The following MAML2 variants were observed in gnomAD, a reference collection of about 807,000 sequenced individuals.
The protein encoded by MAML2 is mastermind-like protein 2.
Under a neutral mutation model 96.1 loss-of-function variants are expected in MAML2, and 22 were observed. The ratio of observed to expected loss-of-function variants is 0.23; its 90% CI spans 0.16 to 0.33. MAML2 has a LOEUF of 0.33. MAML2 is among the 10% of genes least tolerant of loss of function. The pLI is 1.00. For synonymous variants in MAML2, 561 were observed against 521.3 expected, an observed-to-expected ratio of 1.08 and a Z score of -1.04; for missense variants, 1,367 against 1,392.4, an observed-to-expected ratio of 0.98 and a Z score of 0.29.
chr11:96,035,939 T>C (rs1219783831), intron 2 of MAML2, among the ~76,000 whole-genome samples: 3 of 152,210 alleles, frequency 2.0e-5, no homozygotes, highest in Admixed American at 6.5e-5. Flanking sequence ...GGTTAGGATA[T>C]AGACTCCTCA....
intron 2 of MAML2, among the ~76,000 whole-genome samples, chr11:96,051,053 T>TATCATG (rs1555001961): frequency 6.6e-6 from 1 of 151,642 alleles, no homozygotes; most frequent in Non-Finnish European, 1.5e-5. Context: ...GTTGGTTTAG[T>TATCATG]GTCATTTCCT....
intron 1 of MAML2, among the ~76,000 whole-genome samples, chr11:96,177,775 G>A (rs1861409840): frequency 6.6e-6 from 1 of 152,174 alleles, no homozygotes; most frequent in Non-Finnish European, 1.5e-5. Context: ...AAGGCATGGG[G>A]TGTGGGAGAG....
rs200176859 is a variant in MAML2, at chr11:96,092,774, T to C, written c.1257A>G (p.Gly419=). 21 of 1,613,280 alleles carry C rather than the reference T, an allele frequency of 1.3e-5. No homozygotes were observed. In the Admixed American group the frequency reaches 1.8e-4, roughly 14 times the overall value. The part of the protein sequence containing the change: ...QSQAQPQTGS[G]ASRALPSWQE... ...GCCAGCTTGGCAAGGCCCGGCTTGC[T>C]CCGGAGCCTGTCTGAGGCTGAGCCT... The change falls in exon 2 of 5, where the codon GGA becomes GGG. Residue 419 remains glycine, a synonymous_variant. Transcript: ENST00000524717. This position sits in a 1 kb window ranked among gnomAD's most constrained non-coding sequence, Gnocchi z 4.1.
intron 1 of MAML2, among the ~76,000 whole-genome samples, chr11:96,167,292 C>G (rs1262869974): frequency 6.6e-6 from 1 of 151,066 alleles, no homozygotes; most frequent in East Asian, 2.0e-4. Flanking sequence ...TTGGCCTGTG[C>G]GGTAGCTCAG....
chr11:96,212,679 A>G (rs1324102167), intron 1 of MAML2, among the ~76,000 whole-genome samples: 1 of 152,214 alleles, frequency 6.6e-6, no homozygotes, highest in Non-Finnish European at 1.5e-5. Flanking sequence ...AAATAGTCCC[A>G]TGATAGAGAC....
intron 2 of MAML2, among the ~76,000 whole-genome samples, chr11:96,012,024 G>A (rs10765782): frequency 1.3e-5 from 2 of 151,994 alleles, no homozygotes; most frequent in African/African-American, 2.4e-5. Flanking sequence ...TTTTATTTAC[G>A]TCTTTTAGAA....
chr11:96,322,641 G>C (rs899684044), intron 1 of MAML2, among the ~76,000 whole-genome samples: 3 of 152,190 alleles, frequency 2.0e-5, no homozygotes, highest in Non-Finnish European at 4.4e-5. Flanking sequence ...GCAGTGAGCC[G>C]AGATCGCGCC....
At chr11:95,989,219 C>A (rs1486293317) in intron 3 of MAML2, among the ~76,000 whole-genome samples, 1 of 152,222 alleles carries the variant, frequency 6.6e-6, no homozygotes, top group Non-Finnish European at 1.5e-5. Context: ...CAAATGACCA[C>A]AAAGCATATG....
At chr11:96,239,811 A>T (rs1862408969) in intron 1 of MAML2, among the ~76,000 whole-genome samples, 1 of 152,176 alleles carries the variant, frequency 6.6e-6, no homozygotes, top group Admixed American at 6.5e-5. Context: ...AAGTTCTCAA[A>T]CATTTGTTAG....
chr11:95,982,296 T>G (rs1279172882), intron 4 of MAML2, among the ~76,000 whole-genome samples: 1 of 151,944 alleles, frequency 6.6e-6, no homozygotes, highest in East Asian at 1.9e-4. Flanking sequence ...CCTCTCTATA[T>G]TCCTTCGAAA....
chr11:96,116,186 A>G (rs2155228), intron 1 of MAML2, among the ~76,000 whole-genome samples: 58,429 of 151,958 alleles, frequency 0.38, 12,215 homozygotes, highest in East Asian at 0.74. Flanking sequence ...TACCGCTATA[A>G]GTGTGAATAA....
chr11:96,039,618 G>A (rs1858774315), intron 2 of MAML2, among the ~76,000 whole-genome samples: 1 of 152,102 alleles, frequency 6.6e-6, no homozygotes, highest in Admixed American at 6.5e-5. Flanking sequence ...AGGCCCAGAA[G>A]TAGCCTTGAA....
At chr11:96,130,868 A>G (rs1380473648) in intron 1 of MAML2, among the ~76,000 whole-genome samples, 3 of 151,986 alleles carry the variant, frequency 2.0e-5, no homozygotes, top group Admixed American at 1.3e-4. Context: ...TCCTACACCA[A>G]TTGTCTAGGA....
chr11:96,263,698 A>G (rs992347934), intron 1 of MAML2, among the ~76,000 whole-genome samples: 3 of 152,256 alleles, frequency 2.0e-5, no homozygotes, highest in Admixed American at 2.0e-4. Context: ...CACAAGGGAA[A>G]TTCCTTTTGA....
chr11:96,091,275 T>C (rs1319694174), intron 2 of MAML2, among the ~76,000 whole-genome samples: 1 of 152,216 alleles, frequency 6.6e-6, no homozygotes, highest in Non-Finnish European at 1.5e-5. Flanking sequence ...AACTCTGTGC[T>C]CTCATACCTA....
chr11:96,018,041 G>A (rs1205191081), intron 2 of MAML2, among the ~76,000 whole-genome samples: 4 of 152,232 alleles, frequency 2.6e-5, no homozygotes, highest in Non-Finnish European at 4.4e-5. Flanking sequence ...GAATAATTCA[G>A]AGGTGAGATG....
chr11:96,210,391 G>T (rs1009666605), intron 1 of MAML2, among the ~76,000 whole-genome samples: 18 of 152,190 alleles, frequency 1.2e-4, no homozygotes, highest in Non-Finnish European at 1.9e-4. Context: ...TTACAGGCAT[G>T]AGCCACTGTG....
rs1241140594 is a variant in MAML2, at chr11:95,979,873, A to G, written c.2546T>C (p.Leu849Pro). The G allele has an allele frequency of 4.3e-6, 7 of 1,613,818 alleles. No individual in the cohort carries two copies. The highest frequency in any genetic ancestry group is 5.9e-6 in the Non-Finnish European group (7 of 1,179,858). Reference sequence around the variant, plus strand: ...CATTCTTGTCCCGTGAGAAGTAGACAGGAGGCTGGAATTGGGAGTTAAAAT... The same window carrying G: ...CATTCTTGTCCCGTGAGAAGTAGACGGGAGGCTGGAATTGGGAGTTAAAAT... ...HTILTPNSSL[L>P]STSHGTRMPS... Residue 849 changes from leucine (L) to proline (P), a missense_variant, in exon 5 of 5, where the codon CTG becomes CCG. Physicochemically the swap from Leu to Pro is moderately conservative, Grantham distance 98 (BLOSUM62 -3). Transcript: ENST00000524717.
At chr11:96,148,659 TAC>T (rs58470055) in intron 1 of MAML2, among the ~76,000 whole-genome samples, 7,537 of 131,748 alleles carry the variant, frequency 0.057, 240 homozygotes, top group East Asian at 0.12. Flanking sequence ...TTCTGAAAAA[TAC>T]ACACACACAC....
Sources: allele counts gnomAD v4.1 joint callset (sites outside exome capture counted in the v4.1 genomes callset), GRCh38; gene constraint gnomAD v4.1.1; non-coding constraint Gnocchi (gnomAD v3.1); transcripts MANE v1.5; gene names NCBI Gene and HGNC (gene_info 2026-07-23, HGNC 2026-07-21).